TRIOBP: variants seen among roughly 807,000 people sequenced by gnomAD.
The protein encoded by TRIOBP is TRIO and F-actin binding protein, also known as TRIO and F-actin-binding protein.
Under a neutral mutation model 238.8 loss-of-function variants are expected in TRIOBP, and 169 were observed. That is an observed-to-expected ratio of 0.71 (90% CI 0.62 to 0.80). The LOEUF is 0.80. Ranked by LOEUF, TRIOBP falls within the 30% of genes least tolerant of loss-of-function variation. The pLI is 0.00. For missense variants in TRIOBP, 2,838 were observed against 3,122.6 expected, an observed-to-expected ratio of 0.91 and a Z score of 2.17; for synonymous variants, 1,150 against 1,274.4, an observed-to-expected ratio of 0.90 and a Z score of 2.08.
intron 4 of TRIOBP, 126 bp from the exon 5 acceptor site, chr22:37,713,084 A>G (rs1601622912): frequency 1.3e-6 from 1 of 784,358 alleles, no homozygotes; most frequent in Admixed American, 2.5e-5. Flanking sequence ...AGCTCTCACC[A>G]TTGGCTCCCT....
chr22:37,719,971 A>ACTCCCTGTTTCACTCATCACACTGCC (rs1923734754), intron 6 of TRIOBP, among the ~76,000 whole-genome samples: 1 of 124,684 alleles, frequency 8.0e-6, no homozygotes, highest in Non-Finnish European at 1.6e-5. Context: ...CCCACACTGC[A>ACTCCCTGTTTCACTCATCACACTGCC]CTCACTGTTT....
intron 22 of TRIOBP, among the ~76,000 whole-genome samples, chr22:37,772,307 G>A (rs147948782): frequency 6.0e-4 from 91 of 152,290 alleles, no homozygotes; most frequent in African/African-American, 1.9e-3. Flanking sequence ...GGAAGGGCCC[G>A]AGCACCCAGC....
Position 37,755,509 on chromosome 22 carries a change from G to A in TRIOBP, c.5578-41G>A, listed in dbSNP as rs8139381. 0.017 allele frequency: 26,814 copies of A among 1,565,144 alleles called. 413 individuals carry two copies. Among genetic ancestry groups the A allele is most frequent in the Admixed American group, 0.078 (4,673 of 59,632 alleles). On this transcript the variant is annotated intron_variant, in intron 14 of 23. Coordinates refer to ENST00000644935, the MANE Select transcript of TRIOBP (RefSeq NM_001039141.3). Reference sequence around the variant, plus strand: ...GTCCATAGTGGGGAGGGAGTCATGCGGCTGGCCATGTGGCAACCTACCCAT... The same window carrying A: ...GTCCATAGTGGGGAGGGAGTCATGCAGCTGGCCATGTGGCAACCTACCCAT...
chr22:37,725,205 C>A lies in TRIOBP; in HGVS notation c.2649C>A (p.Pro883=), dbSNP rs374255684. 13 of 1,614,038 alleles carry A rather than the reference C, an allele frequency of 8.1e-6. No homozygotes were observed. The African/African-American group carries it at 1.6e-4, about 20-fold the overall frequency. The change falls in exon 7 of 24, where the codon CCC becomes CCA. Residue 883 remains proline, a synonymous_variant. Coordinates refer to ENST00000644935, the MANE Select transcript of TRIOBP (RefSeq NM_001039141.3). ...TQKENLRPSS[P]HRSTQWNNPR... ...AGGAGAATCTGAGACCATCATCTCC[C>A]CACCGCTCCACTCAATGGAACAATC...
At chr22:37,700,015 A>G (rs1218838799) in intron 2 of TRIOBP, among the ~76,000 whole-genome samples, 1 of 151,910 alleles carries the variant, frequency 6.6e-6, no homozygotes, top group East Asian at 1.9e-4. Flanking sequence ...AGTAGCTGGG[A>G]CTACAGGTGC....
At chr22:37,705,871 C>T (rs1343475424) in intron 3 of TRIOBP, among the ~76,000 whole-genome samples, 2 of 152,116 alleles carry the variant, frequency 1.3e-5, no homozygotes, top group East Asian at 1.9e-4. Context: ...CCACCTCGCC[C>T]GGCCAAGCCA....
intron 4 of TRIOBP, 36 bp from the exon 5 acceptor site, chr22:37,713,174 C>T (rs1923346022): frequency 1.3e-6 from 2 of 1,575,866 alleles, no homozygotes; most frequent in Non-Finnish European, 1.7e-6. Context: ...ATGCTCCTAA[C>T]TCCCCATTAC....
intron 19 of TRIOBP, 65 bp downstream of exon 19, chr22:37,768,241 C>T (rs887875902): frequency 2.2e-6 from 3 of 1,364,216 alleles, no homozygotes; most frequent in Non-Finnish European, 3.1e-6. Flanking sequence ...TTTGCTGAGG[C>T]CCCTTGGCAG....
intron 6 of TRIOBP, among the ~76,000 whole-genome samples, chr22:37,721,024 A>ATTTTTTTTTTTT (rs11312598): frequency 7.5e-6 from 1 of 133,336 alleles, no homozygotes; most frequent in African/African-American, 2.9e-5. Context: ...CATCCGGCTA[A>ATTTTTTTTTTTT]TTTTTTTTTT....
At position 37,768,656 on chromosome 22, in the gene TRIOBP, C is replaced by G. The variant is rs1430356140; in HGVS notation, c.6576-372C>G. On this transcript the variant is annotated intron_variant, in intron 19 of 23. Transcript: ENST00000644935. ...CATCTCTACTAAAAATACAAGCTAG[C>G]TGAATGTGGTGGCGGGAGCCTGCAA... Among the ~76,000 whole-genome samples the G allele has an allele frequency of 5.9e-5, 9 of 152,244 alleles. No individual in the cohort carries two copies. In the East Asian group the frequency reaches 1.7e-3, roughly 29 times the overall value.
intron 21 of TRIOBP, among the ~76,000 whole-genome samples, chr22:37,769,817 C>T (rs550320428): frequency 6.6e-6 from 1 of 152,132 alleles, no homozygotes; most frequent in South Asian, 2.1e-4. Context: ...CAACCTCTGC[C>T]TCCCTGGTTC....
At chr22:37,742,223 G>A (rs1243600013) in intron 11 of TRIOBP, among the ~76,000 whole-genome samples, 1 of 144,694 alleles carries the variant, frequency 6.9e-6, no homozygotes, top group African/African-American at 2.6e-5. Flanking sequence ...CCTCCAAAGT[G>A]CTAGGATTAT....
Position 37,726,004 on chromosome 22 carries a change from T to C in TRIOBP, c.3448T>C (p.Ser1150Pro). 8.1e-6 allele frequency: 13 copies of C among 1,606,460 alleles called. No homozygotes were observed. The highest frequency in any genetic ancestry group is 1.0e-5 in the Non-Finnish European group (12 of 1,177,560). Residue 1150 changes from serine to proline, a missense_variant, in exon 7 of 24, where the codon TCC (serine) becomes CCC (proline). Transcript: ENST00000644935. ...GGCCAGCACAGAGAGCCTTGTCCCT[T>C]CCATGGACTCTCTGCACGAGTGCCC... ...PRASTESLVP[S>P]MDSLHECPHI...
rs370737996 is a variant in TRIOBP, at chr22:37,771,660, G to A, written c.6860G>A (p.Arg2287His). The change falls in exon 22 of 24, where the codon CGC (arginine) becomes CAC (histidine). Residue 2287 changes from arginine to histidine, a missense_variant. Arg to His is a conservative substitution (Grantham distance 29). Around this residue, in one of 5 missense-constraint regions of TRIOBP, gnomAD observed 2,096 missense variants for 2,137.4 expected, o/e 0.98. Coordinates refer to ENST00000644935, the MANE Select transcript of TRIOBP (RefSeq NM_001039141.3). ...CACCTATATCCCCAGGTGCTGCTTCGCGTAAAAGAAAACGAACTCCAGTAC... is the reference window on the plus strand; with the variant it reads ...CACCTATATCCCCAGGTGCTGCTTCACGTAAAAGAAAACGAACTCCAGTAC... ...RSSCELEVLL[R>H]VKENELQYLK... is the part of the protein sequence containing the mutation. The A allele has an allele frequency of 5.2e-5, 84 of 1,613,880 alleles. No homozygotes were observed. Among genetic ancestry groups the A allele is most frequent in the East Asian group, 4.0e-4 (18 of 44,882 alleles).
At position 37,713,363 on chromosome 22, in the gene TRIOBP, C is replaced by T. The variant is rs767131942; in HGVS notation, c.408C>T (p.Ser136=). Residue 136 remains serine, a synonymous_variant, in exon 5 of 24, where the codon TCC becomes TCT. Coordinates refer to ENST00000644935, the MANE Select transcript of TRIOBP (RefSeq NM_001039141.3). ...CNEDPGSDPT[S]SPDSATPDDT... ...AGGACCCCGGCTCTGACCCCACCTC[C>T]AGCCCTGACTCCGCCACCCCTGATG... 2 of 1,613,986 alleles carry T rather than the reference C, an allele frequency of 1.2e-6. No individual in the cohort carries two copies. Among genetic ancestry groups the T allele is most frequent in the African/African-American group, 1.3e-5 (1 of 75,050 alleles).
At chr22:37,728,624 C>T (rs2145837753) in intron 7 of TRIOBP, among the ~76,000 whole-genome samples, 1 of 152,288 alleles carries the variant, frequency 6.6e-6, no homozygotes, top group Middle Eastern at 3.4e-3. Context: ...TGCAGTGTTC[C>T]ATGCACAGCC....
At position 37,725,341 on chromosome 22, in the gene TRIOBP, C is replaced by A; in HGVS notation, c.2785C>A (p.Gln929Lys). 1.2e-6 allele frequency: 2 copies of A among 1,613,600 alleles called. No individual in the cohort carries two copies. Among genetic ancestry groups the A allele is most frequent in the Middle Eastern group, 1.7e-4 (1 of 6,060 alleles). ...PRTSSPSRSK[Q>K]SEVPWASIAL... ...AACCTCTTCCCCATCTCGCTCCAAG[C>A]AAAGCGAGGTTCCCTGGGCATCCAT... Residue 929 changes from glutamine to lysine, a missense_variant, in exon 7 of 24, where the codon CAA becomes AAA. Coordinates refer to ENST00000644935, the MANE Select transcript of TRIOBP (RefSeq NM_001039141.3).
intron 8 of TRIOBP, 77 bp downstream of exon 8, chr22:37,733,489 C>A: frequency 8.5e-7 from 1 of 1,174,776 alleles, no homozygotes; most frequent in Non-Finnish European, 1.2e-6. Context: ...AGAAGCCAGG[C>A]AGGGGGCTTG....
chr22:37,759,763 G>C, intron 17 of TRIOBP: 1 of 1,404,318 alleles, frequency 7.1e-7, no homozygotes, highest in Non-Finnish European at 9.3e-7. Flanking sequence ...GGTTCTCAAC[G>C]GGGTCCATTT....
Sources: allele counts gnomAD v4.1 joint callset (sites outside exome capture counted in the v4.1 genomes callset), GRCh38; gene constraint gnomAD v4.1.1; regional missense constraint gnomAD v4.1.1; transcripts MANE v1.5; gene names NCBI Gene and HGNC (gene_info 2026-07-23, HGNC 2026-07-21).